SLC41A2: variants seen among roughly 807,000 people sequenced by gnomAD.
SLC41A2 encodes solute carrier family 41 member 2.
SLC41A2 carries 32 observed loss-of-function variants against 58.3 expected under a neutral mutation model. The ratio of observed to expected loss-of-function variants is 0.55; its 90% CI spans 0.41 to 0.74. The LOEUF is 0.74. Ranked by LOEUF, SLC41A2 falls within the 30% of genes least tolerant of loss-of-function variation. The pLI is 0.00. For synonymous variants in SLC41A2, 190 were observed against 235.0 expected, an observed-to-expected ratio of 0.81 and a Z score of 1.75; for missense variants, 514 against 680.6, an observed-to-expected ratio of 0.76 and a Z score of 2.72.
chr12:104,818,641 G>A (rs2041508751), intron 10 of SLC41A2, among the ~76,000 whole-genome samples: 1 of 152,186 alleles, frequency 6.6e-6, no homozygotes, highest in Non-Finnish European at 1.5e-5. Context: ...CACTTTGGGA[G>A]GCTGAGGTGG....
At chr12:104,912,508 C>T (rs1012461656) in intron 2 of SLC41A2, among the ~76,000 whole-genome samples, 2 of 152,166 alleles carry the variant, frequency 1.3e-5, no homozygotes, top group African/African-American at 2.4e-5. Context: ...CACAGCTGAA[C>T]ATTTGGAAGT....
intron 1 of SLC41A2, among the ~76,000 whole-genome samples, chr12:104,944,584 G>C (rs1182000889): frequency 2.6e-5 from 4 of 152,138 alleles, no homozygotes; most frequent in African/African-American, 9.7e-5. Context: ...TCTACCCTTT[G>C]GTCAGGGCTG....
chr12:104,884,530 C>T (rs893960324), intron 6 of SLC41A2, among the ~76,000 whole-genome samples: 1 of 152,186 alleles, frequency 6.6e-6, no homozygotes, highest in Non-Finnish European at 1.5e-5. Flanking sequence ...CCACTACCAG[C>T]CCTCCATCCC....
chr12:104,950,928 G>A (rs2047927668), intron 1 of SLC41A2, among the ~76,000 whole-genome samples: 1 of 152,206 alleles, frequency 6.6e-6, no homozygotes, highest in Admixed American at 6.5e-5. Flanking sequence ...TGCCTAGATT[G>A]AGGTGGCTGG....
At chr12:104,848,898 A>G (rs2042701279) in intron 8 of SLC41A2, among the ~76,000 whole-genome samples, 1 of 141,262 alleles carries the variant, frequency 7.1e-6, no homozygotes, top group African/African-American at 2.5e-5. Flanking sequence ...CTTGATAACC[A>G]CACACACACA....
intron 1 of SLC41A2, among the ~76,000 whole-genome samples, chr12:104,936,883 A>ATG (rs892815967): frequency 6.6e-6 from 1 of 152,356 alleles, no homozygotes; most frequent in South Asian, 2.1e-4. Flanking sequence ...CAGCTGTACA[A>ATG]TGTGTGTGTG....
intron 2 of SLC41A2, among the ~76,000 whole-genome samples, chr12:104,917,093 T>A (rs1233727076): frequency 6.6e-6 from 1 of 150,854 alleles, no homozygotes; most frequent in Non-Finnish European, 1.5e-5. Context: ...AGGGCTAATA[T>A]CCAGAATCTA....
intron 10 of SLC41A2, among the ~76,000 whole-genome samples, chr12:104,843,621 T>G (rs1046635419): frequency 2.5e-4 from 38 of 152,134 alleles, no homozygotes; most frequent in African/African-American, 9.2e-4. Flanking sequence ...TCTCTCAGTA[T>G]AAAATATTTG....
intron 10 of SLC41A2, among the ~76,000 whole-genome samples, chr12:104,841,747 G>C (rs575276838): frequency 6.6e-5 from 10 of 152,202 alleles, no homozygotes; most frequent in African/African-American, 2.4e-4. Flanking sequence ...CCTTCAAATA[G>C]ATTTCCTTCA....
chr12:104,888,171 T>C (rs748783685), intron 5 of SLC41A2, among the ~76,000 whole-genome samples: 54 of 152,176 alleles, frequency 3.5e-4, no homozygotes, highest in African/African-American at 1.1e-3. Flanking sequence ...CATTCAACTA[T>C]AGTAATTCTT....
At chr12:104,897,589 CTAAGA>C (rs1419074683) in intron 3 of SLC41A2, among the ~76,000 whole-genome samples, 1 of 151,654 alleles carries the variant, frequency 6.6e-6, no homozygotes, top group Non-Finnish European at 1.5e-5. Context: ...TCTTCTTAGT[CTAAGA>C]TAAAACAATA....
At chr12:104,901,342 T>C (rs1051513266) in intron 3 of SLC41A2, among the ~76,000 whole-genome samples, 5 of 152,124 alleles carry the variant, frequency 3.3e-5, no homozygotes, top group Non-Finnish European at 7.3e-5. Context: ...CATTTTCCAA[T>C]TATACACTAC....
chr12:104,839,253 G>A (rs918360013), intron 10 of SLC41A2, among the ~76,000 whole-genome samples: 1 of 152,112 alleles, frequency 6.6e-6, no homozygotes, highest in Non-Finnish European at 1.5e-5. Flanking sequence ...AAAGGCTAGA[G>A]AAGTCTCATT....
At chr12:104,923,791 C>G (rs2046715193) in intron 2 of SLC41A2, among the ~76,000 whole-genome samples, 1 of 152,226 alleles carries the variant, frequency 6.6e-6, no homozygotes, top group South Asian at 2.1e-4. Flanking sequence ...AACCAGTAAC[C>G]AAACATAAGC....
At position 104,912,789 on chromosome 12, in the gene SLC41A2, G is replaced by A. The variant is rs142632166; in HGVS notation, c.556-3027C>T. ...ATCTCAAGCGGAGGACAGTCTTTTG[G>A]ACTGAGCCCTCAACCTGTGGGATCT... On this transcript the variant is annotated intron_variant, in intron 2 of 10. Transcript: ENST00000258538. 4.0e-3 allele frequency among the ~76,000 whole-genome samples: 605 copies of A among 152,242 alleles called. 3 individuals are homozygous for A. The highest frequency in any genetic ancestry group is 7.7e-3 in the South Asian group (37 of 4,818).
In SLC41A2 at chr12:104,829,904, T is replaced by G. The variant is rs111629454; in HGVS notation, c.1536+14568A>C. On this transcript the variant is annotated intron_variant, in intron 10 of 10. Coordinates refer to ENST00000258538, the MANE Select transcript of SLC41A2 (RefSeq NM_001352171.3). Reference sequence around the variant, plus strand: ...ACAAAGTTTTATTGGGACATAGCCATGCTTATGTGTTTACATATCATCTAT... The same window carrying G: ...ACAAAGTTTTATTGGGACATAGCCAGGCTTATGTGTTTACATATCATCTAT... Among the ~76,000 whole-genome samples, 514 of 152,376 alleles carry G rather than the reference T, an allele frequency of 3.4e-3. 2 individuals carry two copies. Among genetic ancestry groups the G allele is most frequent in the African/African-American group, 0.012 (479 of 41,584 alleles).
intron 10 of SLC41A2, among the ~76,000 whole-genome samples, chr12:104,827,407 C>T (rs1266853456): frequency 6.6e-6 from 1 of 152,074 alleles, no homozygotes; most frequent in Non-Finnish European, 1.5e-5. Context: ...GCCTACAAAC[C>T]CTAGAATTCC....
intron 1 of SLC41A2, among the ~76,000 whole-genome samples, chr12:104,936,483 G>C (rs548756960): frequency 6.6e-6 from 1 of 152,152 alleles, no homozygotes; most frequent in Non-Finnish European, 1.5e-5. Flanking sequence ...AGGTTTAGTT[G>C]GACTCATGTG....
intron 2 of SLC41A2, among the ~76,000 whole-genome samples, chr12:104,921,248 C>T (rs1469223336): frequency 2.0e-5 from 3 of 151,938 alleles, no homozygotes; most frequent in Non-Finnish European, 4.4e-5. Flanking sequence ...CTTTCCAAAA[C>T]TTGAGAAAGC....
Sources: gnomAD v4.1 joint callset for allele counts (sites outside exome capture counted in the v4.1 genomes callset) on GRCh38, gnomAD v4.1.1 for gene constraint, MANE v1.5 for transcripts, NCBI Gene and HGNC (gene_info 2026-07-23, HGNC 2026-07-21) for gene names.